The following SUCLA2 variants were observed in gnomAD, a reference collection of about 807,000 sequenced individuals.
The protein encoded by SUCLA2 is succinate--CoA ligase [ADP-forming] subunit beta, mitochondrial.
A neutral mutation model predicts 54.8 loss-of-function variants in SUCLA2; 30 were observed. The observed-to-expected ratio is 0.55, with a 90% CI of 0.41 to 0.74. The LOEUF (loss-of-function observed/expected upper bound fraction) is 0.74. Ranked by LOEUF, SUCLA2 falls within the 30% of genes least tolerant of loss-of-function variation. SUCLA2 has a pLI of 0.00. For missense variants in SUCLA2, 476 were observed against 562.9 expected (o/e 0.85, Z 1.56); for synonymous variants, 172 against 188.9 (o/e 0.91, Z 0.74).
In SUCLA2 at chr13:47,968,698, C is replaced by A. The variant is rs780245301; in HGVS notation, c.699G>T (p.Val233=). 69 of 1,612,060 alleles carry A rather than the reference C, an allele frequency of 4.3e-5. No individual in the cohort carries two copies. The highest frequency in any genetic ancestry group is 5.4e-5 in the Non-Finnish European group (64 of 1,179,872). Residue 233 remains valine (V), a synonymous_variant, in exon 6 of 11, where the codon GTG becomes GTT. Coordinates refer to ENST00000646932, the MANE Select transcript of SUCLA2 (RefSeq NM_003850.3). ...AQKMGFPPNI[V]ESAAENMVKL... ...TGACCATGTTTTCTGCTGCTGATTC[C>A]ACAATATTAGGTGGAAATCCCATCT...
At chr13:47,963,053 TAGTC>T (rs36181863) in intron 6 of SUCLA2, among the ~76,000 whole-genome samples, 110,095 of 151,274 alleles carry the variant, frequency 0.73, 41,014 homozygotes, top group Non-Finnish European at 0.81. Flanking sequence ...CCCCTGGTTT[TAGTC>T]AGTCAGGGAG....
At chr13:47,988,440 G>T in intron 4 of SUCLA2, 101 bp downstream of exon 4, 1 of 1,346,686 alleles carries the variant, frequency 7.4e-7, no homozygotes, top group East Asian at 2.3e-5. Context: ...ATTATAATTT[G>T]TACTTTTAAA....
At chr13:47,963,278 T>A (rs528338199) in intron 6 of SUCLA2, among the ~76,000 whole-genome samples, 8 of 149,822 alleles carry the variant, frequency 5.3e-5, no homozygotes, top group African/African-American at 2.0e-4. Context: ...TAGAAAGTGG[T>A]AAAGCTAGAA....
chr13:47,958,918 T>C (rs749892179), intron 6 of SUCLA2, among the ~76,000 whole-genome samples: 6 of 152,222 alleles, frequency 3.9e-5, no homozygotes, highest in Non-Finnish European at 7.4e-5. Context: ...ATAAATGTTT[T>C]AGGTAAACTT....
chr13:47,976,964 A>T (rs1210273789), intron 4 of SUCLA2, among the ~76,000 whole-genome samples: 1 of 152,026 alleles, frequency 6.6e-6, no homozygotes, highest in African/African-American at 2.4e-5. Context: ...GAAGAAAATC[A>T]TAAAGATTAG....
Position 47,954,430 on chromosome 13 carries a change from G to A in SUCLA2, c.930C>T (p.Asn310=), listed in dbSNP as rs777283889. The change falls in exon 7 of 11, where the codon AAC becomes AAT. Residue 310 remains asparagine, a synonymous_variant. Transcript: ENST00000646932. ...CTATATTTCCATCGAGGCCAATGTA[G>A]TTGAGATTTGCCTTAGCAGCATCTT... is the stretch of plus-strand genomic sequence containing the variant. ...RDKDAAKANL[N]YIGLDGNIGC... The A allele has an allele frequency of 3.1e-6, 5 of 1,613,914 alleles. No homozygotes were observed. Among genetic ancestry groups the A allele is most frequent in the Non-Finnish European group, 4.2e-6 (5 of 1,179,938 alleles).
chr13:47,999,710 GAAA>G (rs11346941), intron 1 of SUCLA2, among the ~76,000 whole-genome samples: 3 of 143,984 alleles, frequency 2.1e-5, no homozygotes, highest in Non-Finnish European at 3.0e-5. Flanking sequence ...CCGTCTCAAG[GAAA>G]AAAAAAAAAA....
intron 5 of SUCLA2, chr13:47,971,646 AAATTGAAAG>A (rs1181451293): frequency 1.1e-5 from 4 of 362,480 alleles, no homozygotes; most frequent in African/African-American, 2.1e-5. Flanking sequence ...GAACACATAC[AAATTGAAAG>A]AATTGAAAGA....
chr13:47,976,864 GATTTCAGA>G lies in SUCLA2; in HGVS notation c.535-3480_535-3473del, dbSNP rs370559791. On this transcript the variant is annotated intron_variant, in intron 4 of 10. Transcript: ENST00000646932. ...AAGCTTAGGATTTTATAGCATTTTG[GATTTCAGA>G]ATTTCAGATTTGGGATGCTCAACCT... 4.3e-3 allele frequency among the ~76,000 whole-genome samples: 656 copies of G among 152,124 alleles called. 6 individuals carry two copies. Among genetic ancestry groups the G allele is most frequent in the African/African-American group, 0.015 (611 of 41,526 alleles).
chr13:47,967,383 TAAAGTA>T (rs2137713812), intron 6 of SUCLA2, among the ~76,000 whole-genome samples: 1 of 152,158 alleles, frequency 6.6e-6, no homozygotes, highest in East Asian at 1.9e-4. Context: ...AAAGTAAAGC[TAAAGTA>T]AAATATTAAT....
At chr13:47,999,916 A>C (rs1324520806) in intron 1 of SUCLA2, among the ~76,000 whole-genome samples, 5 of 152,172 alleles carry the variant, frequency 3.3e-5, no homozygotes, top group African/African-American at 1.2e-4. Context: ...AATTTCCATA[A>C]GGAGAAATGA....
At chr13:47,973,943 G>A (rs1949988338) in intron 4 of SUCLA2, among the ~76,000 whole-genome samples, 1 of 152,018 alleles carries the variant, frequency 6.6e-6, no homozygotes. Context: ...CTGTCAGGGG[G>A]CTGGGGCAAG....
In SUCLA2 at chr13:47,954,440, G is replaced by A. The variant is rs1011464708; in HGVS notation, c.920C>T (p.Ala307Val). 16 of 1,613,978 alleles carry A rather than the reference G, an allele frequency of 9.9e-6. No individual in the cohort carries two copies. Among genetic ancestry groups the A allele is most frequent in the African/African-American group, 1.3e-5 (1 of 75,032 alleles). ...EDERDKDAAK[A>V]NLNYIGLDGN... ...ATCGAGGCCAATGTAGTTGAGATTTGCCTTAGCAGCATCTTTGTCCCTTTC... is the reference window on the plus strand; with the variant it reads ...ATCGAGGCCAATGTAGTTGAGATTTACCTTAGCAGCATCTTTGTCCCTTTC... The change falls in exon 7 of 11, where the codon GCA becomes GTA. Residue 307 changes from alanine to valine, a missense_variant. This residue lies in a region of SUCLA2 where 342 missense variants were observed against 444.2 expected (regional missense o/e 0.77). Coordinates refer to ENST00000646932, the MANE Select transcript of SUCLA2 (RefSeq NM_003850.3).
intron 4 of SUCLA2, among the ~76,000 whole-genome samples, chr13:47,984,370 T>C (rs2137737077): frequency 6.6e-6 from 1 of 151,696 alleles, no homozygotes; most frequent in East Asian, 1.9e-4. Flanking sequence ...ATTTTTTGTT[T>C]TTTTTGTATT....
chr13:47,967,226 G>A (rs1421494889), intron 6 of SUCLA2, among the ~76,000 whole-genome samples: 1 of 151,814 alleles, frequency 6.6e-6, no homozygotes, highest in Non-Finnish European at 1.5e-5. Flanking sequence ...AAAAGTTGGG[G>A]GAAGAGGGGC....
Position 47,964,214 on chromosome 13 carries a change from T to C in SUCLA2, c.802+4381A>G, listed in dbSNP as rs143752076. On this transcript the variant is annotated intron_variant, in intron 6 of 10. Transcript: ENST00000646932. ...TAAAAAGGTCAACCTTAAAAGGTTA[T>C]ATATTATATGATTGCATTTATATAA... 7.9e-5 allele frequency among the ~76,000 whole-genome samples: 12 copies of C among 151,296 alleles called. No homozygotes were observed. The East Asian group carries it at 2.3e-3, about 29-fold the overall frequency.
chr13:47,965,774 G>A (rs1262985593), intron 6 of SUCLA2: 5 of 392,046 alleles, frequency 1.3e-5, no homozygotes, highest in Admixed American at 4.4e-5. Context: ...ATAAGAGAAC[G>A]TTCTTGGCTT....
At chr13:47,999,674 T>C (rs908150273) in intron 1 of SUCLA2, among the ~76,000 whole-genome samples, 6 of 149,592 alleles carry the variant, frequency 4.0e-5, no homozygotes, top group African/African-American at 1.5e-4. Flanking sequence ...GCCACTGCAC[T>C]CCAGCCTGGG....
At chr13:47,997,372 TTC>T (rs111437701) in intron 1 of SUCLA2, among the ~76,000 whole-genome samples, 9,808 of 152,240 alleles carry the variant, frequency 0.064, 601 homozygotes, top group East Asian at 0.17. Flanking sequence ...CCCAATTTTC[TTC>T]TCTCTACCAT....
Sources: gnomAD v4.1 joint callset for allele counts (sites outside exome capture counted in the v4.1 genomes callset) on GRCh38, gnomAD v4.1.1 for gene constraint, gnomAD v4.1.1 regional missense constraint, MANE v1.5 for transcripts, NCBI Gene and HGNC (gene_info 2026-07-23, HGNC 2026-07-21) for gene names.